Variants in ESRRG observed in about 807,000 individuals in gnomAD.
ESRRG encodes the protein estrogen related receptor gamma, also known as estrogen-related receptor gamma.
ESRRG carries 13 observed loss-of-function variants against 44.0 expected under a neutral mutation model. The ratio of observed to expected loss-of-function variants is 0.30; its 90% CI spans 0.19 to 0.47. The LOEUF is 0.47. ESRRG is among the 20% of genes least tolerant of loss of function. The pLI is 1.00. For synonymous variants in ESRRG, 215 were observed against 214.6 expected, an observed-to-expected ratio of 1.00 and a Z score of -0.02; for missense variants, 395 against 580.6, an observed-to-expected ratio of 0.68 and a Z score of 3.29.
intron 1 of ESRRG, among the ~76,000 whole-genome samples, chr1:216,709,959 C>A (rs1470313547): frequency 6.6e-6 from 1 of 152,030 alleles, no homozygotes; most frequent in Non-Finnish European, 1.5e-5. Flanking sequence ...TTGCTTTTCT[C>A]TTCTGAGAGT....
chr1:216,732,583 G>C (rs1412405572), intron 2 of ESRRG, among the ~76,000 whole-genome samples: 1 of 151,814 alleles, frequency 6.6e-6, no homozygotes, highest in Non-Finnish European at 1.5e-5. Flanking sequence ...CACCATGTTG[G>C]ACAGGCTGGT....
intron 2 of ESRRG, among the ~76,000 whole-genome samples, chr1:216,760,292 T>C (rs757338633): frequency 4.0e-5 from 6 of 151,894 alleles, no homozygotes; most frequent in Admixed American, 1.3e-4. Flanking sequence ...AAAATGGAGA[T>C]AGAATATTTA....
chr1:217,041,050 C>A (rs970005788), intron 1 of ESRRG, among the ~76,000 whole-genome samples: 9 of 152,176 alleles, frequency 5.9e-5, no homozygotes, highest in Non-Finnish European at 1.3e-4. Context: ...TAATCTTTTA[C>A]ATTTAGTTCA....
chr1:216,961,441 A>G (rs962108089), intron 1 of ESRRG, among the ~76,000 whole-genome samples: 1 of 152,196 alleles, frequency 6.6e-6, no homozygotes, highest in African/African-American at 2.4e-5. Flanking sequence ...TAAAGAAAAT[A>G]AAAGAAACCA....
At chr1:217,007,720 T>G (rs2077953321) in intron 1 of ESRRG, among the ~76,000 whole-genome samples, 1 of 152,182 alleles carries the variant, frequency 6.6e-6, no homozygotes, top group African/African-American at 2.4e-5. Context: ...ACTTCCTTCC[T>G]CCTTCCATCT....
At chr1:216,736,046 T>C (rs2089834895) in intron 2 of ESRRG, among the ~76,000 whole-genome samples, 1 of 149,104 alleles carries the variant, frequency 6.7e-6, no homozygotes, top group South Asian at 2.1e-4. Context: ...GTCACTATAC[T>C]CACCTTCACT....
At chr1:216,929,884 T>C (rs1017517721) in intron 2 of ESRRG, among the ~76,000 whole-genome samples, 5 of 152,136 alleles carry the variant, frequency 3.3e-5, no homozygotes, top group South Asian at 4.2e-4. Flanking sequence ...GCCATGCCAG[T>C]CCTGCCATCA....
chr1:216,953,449 A>T (rs941062242), intron 1 of ESRRG, among the ~76,000 whole-genome samples: 8 of 151,654 alleles, frequency 5.3e-5, no homozygotes, highest in African/African-American at 1.5e-4. Flanking sequence ...TCCCATCATT[A>T]TTTTTTTTCA....
At position 216,699,426 on chromosome 1, in the gene ESRRG, C is replaced by T. The variant is rs72737398; in HGVS notation, c.57-21935G>A. The stretch of plus-strand genomic sequence containing the variant: ...AGGAGACATCATAATAACCTGCCGG[C>T]TGGTAATGATGGATATGTTTTTAAA... On this transcript the variant is annotated intron_variant, in intron 1 of 6. Transcript: ENST00000408911. Among the ~76,000 whole-genome samples the T allele has an allele frequency of 6.5e-3, 984 of 152,182 alleles. 4 individuals carry two copies. The highest frequency in any genetic ancestry group is 0.011 in the Non-Finnish European group (751 of 68,012).
At chr1:216,835,853 C>G (rs1014292651) in intron 2 of ESRRG, among the ~76,000 whole-genome samples, 1 of 152,106 alleles carries the variant, frequency 6.6e-6, no homozygotes, top group African/African-American at 2.4e-5. Flanking sequence ...GGGAACTTAG[C>G]TAAAGCGATT....
intron 5 of ESRRG, among the ~76,000 whole-genome samples, chr1:216,522,803 G>A (rs2046495935): frequency 6.6e-6 from 1 of 152,134 alleles, no homozygotes; most frequent in Admixed American, 6.6e-5. Flanking sequence ...TTAATAAGCT[G>A]AGTCTAAGGA....
At chr1:216,685,499 C>T (rs2077767826) in intron 1 of ESRRG, among the ~76,000 whole-genome samples, 1 of 152,132 alleles carries the variant, frequency 6.6e-6, no homozygotes, top group Non-Finnish European at 1.5e-5. Flanking sequence ...CCAAAGAGAA[C>T]TCGACACAGA....
chr1:217,064,757 T>A (rs1392541892), intron 1 of ESRRG, among the ~76,000 whole-genome samples: 1 of 152,144 alleles, frequency 6.6e-6, no homozygotes, highest in Non-Finnish European at 1.5e-5. Context: ...AGAAGCCCGC[T>A]ATGAGTAAAT....
chr1:216,757,698 A>G (rs2092537282), intron 2 of ESRRG, among the ~76,000 whole-genome samples: 1 of 152,076 alleles, frequency 6.6e-6, no homozygotes, highest in Non-Finnish European at 1.5e-5. Flanking sequence ...TATCTCAGGT[A>G]TTAGCAAATA....
chr1:216,518,505 T>G (rs2045078824), intron 6 of ESRRG, among the ~76,000 whole-genome samples: 1 of 152,176 alleles, frequency 6.6e-6, no homozygotes, highest in South Asian at 2.1e-4. Context: ...ATGCAAATGC[T>G]AAAAGAGACT....
At chr1:216,970,007 T>G (rs535712507) in intron 1 of ESRRG, among the ~76,000 whole-genome samples, 10 of 152,296 alleles carry the variant, frequency 6.6e-5, no homozygotes, top group African/African-American at 2.4e-4. Flanking sequence ...GAAGAGACAA[T>G]GGCACATGAA....
At chr1:217,108,548 G>T (rs138511564) in intron 1 of ESRRG, among the ~76,000 whole-genome samples, 3 of 152,014 alleles carry the variant, frequency 2.0e-5, no homozygotes, top group Non-Finnish European at 4.4e-5. Context: ...GATCATGGAG[G>T]CAGAATTCTC....
chr1:216,980,109 T>C (rs2150377597), intron 1 of ESRRG, among the ~76,000 whole-genome samples: 1 of 152,340 alleles, frequency 6.6e-6, no homozygotes, highest in Non-Finnish European at 1.5e-5. Flanking sequence ...ATGATGTCCA[T>C]TTAACAACCC....
intron 1 of ESRRG, among the ~76,000 whole-genome samples, chr1:216,708,838 G>A (rs1418977029): frequency 6.6e-6 from 1 of 152,078 alleles, no homozygotes; most frequent in African/African-American, 2.4e-5. Flanking sequence ...TGATAGACTG[G>A]ATAAAGAAAA....
Sources: allele counts gnomAD v4.1 joint callset (sites outside exome capture counted in the v4.1 genomes callset), GRCh38; gene constraint gnomAD v4.1.1; transcripts MANE v1.5; gene names NCBI Gene and HGNC (gene_info 2026-07-23, HGNC 2026-07-21).